NRG2: variants seen among roughly 807,000 people sequenced by gnomAD.
The protein encoded by NRG2 is neuregulin 2.
Under a neutral mutation model 73.9 loss-of-function variants are expected in NRG2, and 27 were observed. The observed-to-expected ratio is 0.37, with a 90% CI of 0.27 to 0.50. The LOEUF (loss-of-function observed/expected upper bound fraction) is 0.50, where lower values mean the gene tolerates loss of function less well. Among genes scored for constraint, NRG2 ranks in the 20% least tolerant of loss-of-function variants. The pLI, the probability that NRG2 is intolerant of heterozygous loss-of-function variation, is 0.96. For synonymous variants in NRG2, 532 were observed against 541.0 expected (o/e 0.98, Z 0.23); for missense variants, 1,126 against 1,210.1 (o/e 0.93, Z 1.03).
In NRG2 at chr5:139,848,075, G is replaced by C. The variant is rs1263613825; in HGVS notation, c.2395C>G (p.Arg799Gly). 1 of 1,497,234 alleles carries C rather than the reference G, an allele frequency of 6.7e-7. No individual in the cohort carries two copies. Among genetic ancestry groups the C allele is most frequent in the Non-Finnish European group, 8.8e-7 (1 of 1,130,418 alleles). 92.7% of individuals were successfully genotyped at this position (1,497,234 alleles called of 1,614,324 possible). ...AAESTPFLGL[R>G]GAHDALRSDS... Reference sequence around the variant, plus strand: ...GAGCGCAGCGCGTCGTGCGCCCCACGCAGGCCCAGGAAAGGTGTGCTCTCG... The same window carrying C: ...GAGCGCAGCGCGTCGTGCGCCCCACCCAGGCCCAGGAAAGGTGTGCTCTCG... The change falls in exon 10 of 10, where the codon CGT (arginine) becomes GGT (glycine). Residue 799 changes from arginine to glycine, a missense_variant. By Grantham distance (125) the Arg-to-Gly change is moderately radical. This residue lies in a region of NRG2 where 402 missense variants were observed against 357.8 expected (regional missense o/e 1.12). Transcript: ENST00000361474.
intron 1 of NRG2, among the ~76,000 whole-genome samples, chr5:140,038,107 C>G (rs1761645122): frequency 6.6e-6 from 1 of 151,682 alleles, no homozygotes; most frequent in Admixed American, 6.6e-5. Context: ...TGTGCTACAG[C>G]TCCAAAAATA....
At chr5:140,007,822 G>C (rs562797818) in intron 1 of NRG2, among the ~76,000 whole-genome samples, 22 of 152,186 alleles carry the variant, frequency 1.4e-4, no homozygotes, top group Non-Finnish European at 2.9e-4. Context: ...GCCCAATTTA[G>C]CAACTCATAG....
chr5:139,937,843 T>C (rs1318565734), intron 1 of NRG2, among the ~76,000 whole-genome samples: 2 of 152,220 alleles, frequency 1.3e-5, no homozygotes, highest in Non-Finnish European at 2.9e-5. Flanking sequence ...CATATATATA[T>C]TCTGTGAACA....
Position 139,887,590 on chromosome 5 carries a change from A to C in NRG2, c.701-79T>G. On this transcript the variant is annotated intron_variant, in intron 1 of 9. Transcript: ENST00000361474. This position sits in a 1 kb window ranked among gnomAD's most constrained non-coding sequence, Gnocchi z 4.5. Reference sequence around the variant, plus strand: ...GCATGAGTAGTGGAGAGTAAGGGCCACTGTCTTTGGGCTGGAACTGGGGAA... The same window carrying C: ...GCATGAGTAGTGGAGAGTAAGGGCCCCTGTCTTTGGGCTGGAACTGGGGAA... The C allele has an allele frequency of 7.4e-7, 1 of 1,351,722 alleles. No homozygotes were observed. 83.7% of individuals were successfully genotyped at this position (1,351,722 alleles called of 1,614,324 possible).
chr5:139,873,447 GT>G (rs2127079558), intron 3 of NRG2, among the ~76,000 whole-genome samples: 1 of 152,374 alleles, frequency 6.6e-6, no homozygotes, highest in South Asian at 2.1e-4. Context: ...AACCCTCGAG[GT>G]TGTCCTGCCC....
In NRG2 at chr5:139,978,853, A is replaced by C. The variant is rs1331217138; in HGVS notation, c.700+63517T>G. On this transcript the variant is annotated intron_variant, in intron 1 of 9. Coordinates refer to ENST00000361474, the MANE Select transcript of NRG2 (RefSeq NM_004883.3). ...ACCAACCCAAATGTCCATCAATGAT[A>C]GACTGGATTAAGAAAATGTGGCACA... Among the ~76,000 whole-genome samples the C allele has an allele frequency of 2.0e-5, 3 of 152,140 alleles. No individual in the cohort carries two copies. The East Asian group carries it at 5.8e-4, about 29-fold the overall frequency.
intron 1 of NRG2, among the ~76,000 whole-genome samples, chr5:139,989,877 C>T (rs1278044475): frequency 2.0e-5 from 3 of 151,264 alleles, no homozygotes; most frequent in African/African-American, 7.3e-5. Flanking sequence ...CAAGCTCCGC[C>T]TCCTGGGTTC....
rs1194648112 is a variant in NRG2 at position 139,880,839 on chromosome 5, T to C, written c.991+17A>G. Reference sequence around the variant, plus strand: ...CAAACCCCTCTAGGACCCTTCCCTCTGTCTGGGCCCACCTACCGCTGTTGA... The same window carrying C: ...CAAACCCCTCTAGGACCCTTCCCTCCGTCTGGGCCCACCTACCGCTGTTGA... On this transcript the variant is annotated intron_variant, in intron 3 of 9. Transcript: ENST00000361474. 9 of 1,607,020 alleles carry C rather than the reference T, an allele frequency of 5.6e-6. No homozygotes were observed. Among genetic ancestry groups the C allele is most frequent in the African/African-American group, 2.7e-5 (2 of 74,800 alleles).
intron 1 of NRG2, among the ~76,000 whole-genome samples, chr5:140,013,681 T>C (rs1223099540): frequency 2.0e-5 from 3 of 152,232 alleles, no homozygotes; most frequent in African/African-American, 7.2e-5. Context: ...CTGGTAAATC[T>C]ACTTACATGA....
intron 1 of NRG2, among the ~76,000 whole-genome samples, chr5:139,985,277 C>A (rs1394944748): frequency 6.6e-6 from 1 of 150,896 alleles, no homozygotes; most frequent in East Asian, 2.0e-4. Context: ...GAGGTGGAGG[C>A]TGCAGTGAGC....
At chr5:139,861,465 G>C (rs571154904) in intron 5 of NRG2, among the ~76,000 whole-genome samples, 13 of 152,218 alleles carry the variant, frequency 8.5e-5, no homozygotes, top group Non-Finnish European at 1.3e-4. Flanking sequence ...GGACTGTGAT[G>C]GCTCTGACTA....
At chr5:139,987,154 C>T (rs951399173) in intron 1 of NRG2, among the ~76,000 whole-genome samples, 2 of 151,546 alleles carry the variant, frequency 1.3e-5, no homozygotes, top group African/African-American at 4.9e-5. Flanking sequence ...GGCAGATTGC[C>T]TGAGCTCAGG....
At position 139,848,169 on chromosome 5, in the gene NRG2, G is replaced by A. The variant is rs1761121318; in HGVS notation, c.2301C>T (p.Ser767=). The part of the protein sequence containing the change: ...RAARDSLSLS[S]GSGGGSASAS... ...CCGAGGCTGAGCCGCCGCCCGAGCCGCTGCTCAGCGACAGCGAGTCCCTCG... is the reference window on the plus strand; with the variant it reads ...CCGAGGCTGAGCCGCCGCCCGAGCCACTGCTCAGCGACAGCGAGTCCCTCG... Residue 767 remains serine (S), a synonymous_variant, in exon 10 of 10, where the codon AGC becomes AGT. Coordinates refer to ENST00000361474, the MANE Select transcript of NRG2 (RefSeq NM_004883.3). 1.2e-5 allele frequency: 17 copies of A among 1,427,672 alleles called. No individual in the cohort carries two copies. Among genetic ancestry groups the A allele is most frequent in the Non-Finnish European group, 1.5e-5 (17 of 1,097,066 alleles). The allele number at this position is 1,427,672 out of a possible 1,614,324, so 88.4% of individuals were successfully genotyped here.
At chr5:139,911,108 G>A (rs1294390116) in intron 1 of NRG2, among the ~76,000 whole-genome samples, 1 of 152,072 alleles carries the variant, frequency 6.6e-6, no homozygotes, top group African/African-American at 2.4e-5. Flanking sequence ...GCTGGGAGCA[G>A]GACGGGGAGA....
rs1206237657 is a variant in NRG2 at position 139,895,853 on chromosome 5, GA to G, written c.701-8343del. On this transcript the variant is annotated intron_variant, in intron 1 of 9. Transcript: ENST00000361474. ...AACTCTGTTTAATCTCCCTACTGGG[GA>G]AAGCTGGGCTCTGGGCCAAAGTCTT... Among the ~76,000 whole-genome samples, 4 of 152,240 alleles carry G rather than the reference GA, an allele frequency of 2.6e-5. No homozygotes were observed. The East Asian group carries it at 7.7e-4, about 29-fold the overall frequency.
At chr5:139,888,109 C>T (rs1312771565) in intron 1 of NRG2, among the ~76,000 whole-genome samples, 1 of 150,606 alleles carries the variant, frequency 6.6e-6, no homozygotes, top group South Asian at 2.1e-4. Flanking sequence ...AAATACAAAA[C>T]AAAACAACAC....
chr5:140,004,855 T>C (rs1348003099), intron 1 of NRG2, among the ~76,000 whole-genome samples: 1 of 152,228 alleles, frequency 6.6e-6, no homozygotes, highest in African/African-American at 2.4e-5. Flanking sequence ...GCTTTGATCA[T>C]TGTACTATGG....
At chr5:139,997,203 T>A (rs574185497) in intron 1 of NRG2, among the ~76,000 whole-genome samples, 1 of 152,140 alleles carries the variant, frequency 6.6e-6, no homozygotes, top group East Asian at 1.9e-4. Flanking sequence ...GAGGGGAACA[T>A]GGAGGAGAAC....
At chr5:139,928,520 G>A (rs13175054) in intron 1 of NRG2, among the ~76,000 whole-genome samples, 5 of 151,994 alleles carry the variant, frequency 3.3e-5, no homozygotes, top group Non-Finnish European at 5.9e-5. Flanking sequence ...TATGAACCCC[G>A]GACCTGGGCC....
Sources: gnomAD v4.1 joint callset for allele counts (sites outside exome capture counted in the v4.1 genomes callset) on GRCh38, gnomAD v4.1.1 for gene constraint, gnomAD v4.1.1 regional missense constraint, Gnocchi (gnomAD v3.1) non-coding constraint, MANE v1.5 for transcripts, NCBI Gene and HGNC (gene_info 2026-07-23, HGNC 2026-07-21) for gene names.